Variants in PADI4 observed in about 807,000 individuals in gnomAD.
PADI4 encodes protein-arginine deiminase type-4.
PADI4 carries 62 observed loss-of-function variants against 75.0 expected under a neutral mutation model. The ratio of observed to expected loss-of-function variants is 0.83; its 90% CI spans 0.67 to 1.02. PADI4 has a LOEUF of 1.02. PADI4 is among the 50% of genes least tolerant of loss of function. PADI4 has a pLI of 0.00. For synonymous variants in PADI4, 361 were observed against 348.1 expected (o/e 1.04, Z -0.41); for missense variants, 845 against 850.5 (o/e 0.99, Z 0.08).
chr1:17,356,169 C>T lies in PADI4; in HGVS notation c.1455+42C>T, dbSNP rs760586998. On this transcript the variant is annotated intron_variant, in intron 12 of 15. Transcript: ENST00000375448. This position sits in a 1 kb window ranked among gnomAD's most constrained non-coding sequence, Gnocchi z 4.1. ...TGCCTCAGGAAGCCATGCCTCCTTCCTGGGTAGACCCTCTGCCTGGGGTGG... is the reference window on the plus strand; with the variant it reads ...TGCCTCAGGAAGCCATGCCTCCTTCTTGGGTAGACCCTCTGCCTGGGGTGG... 7 of 1,597,448 alleles carry T rather than the reference C, an allele frequency of 4.4e-6. No homozygotes were observed. The East Asian group carries it at 1.6e-4, about 36-fold the overall frequency.
At position 17,363,965 on chromosome 1, in the gene PADI4, G is replaced by A. The variant is rs1028935073; in HGVS notation, c.*210G>A. The A allele has an allele frequency of 8.6e-6, 4 of 464,880 alleles. No individual in the cohort carries two copies. The highest frequency in any genetic ancestry group is 1.5e-5 in the Non-Finnish European group (4 of 259,144). The allele number at this position is 464,880 out of a possible 1,614,324, so 28.8% of individuals were successfully genotyped here. A position where few individuals can be genotyped will look rare whatever the true frequency, so the allele number is the denominator to read the frequency against. The stretch of plus-strand genomic sequence containing the variant: ...CACTGCACACTCAGTTCTGCTCTAA[G>A]AAGCTGCAATAAAGTTTTTTTAAGT... On this transcript the variant is annotated 3_prime_UTR_variant, in exon 16 of 16. Coordinates refer to ENST00000375448, the MANE Select transcript of PADI4 (RefSeq NM_012387.3).
chr1:17,343,181 C>T (rs537587226), intron 8 of PADI4, among the ~76,000 whole-genome samples: 16 of 151,940 alleles, frequency 1.1e-4, no homozygotes, highest in African/African-American at 1.9e-4. Flanking sequence ...AGCAAGACTC[C>T]GTCTTGAGAA....
Position 17,346,158 on chromosome 1 carries a change from AGG to A in PADI4, c.1047+20_1047+21del. ...GATGCAGGTATGTGCCCTGCGGGGC[AGG>A]CAGGGTGACTGTCCCTGAGGGCCAA... On this transcript the variant is annotated intron_variant, in intron 9 of 15. Transcript: ENST00000375448. This position sits in a 1 kb window ranked among gnomAD's most constrained non-coding sequence, Gnocchi z 4.3. 1 of 1,534,446 alleles carries A rather than the reference AGG, an allele frequency of 6.5e-7. No individual in the cohort carries two copies. Among genetic ancestry groups the A allele is most frequent in the Non-Finnish European group, 9.0e-7 (1 of 1,107,892 alleles).
Position 17,308,218 on chromosome 1 carries a change from C to A in PADI4, c.-5C>A. On this transcript the variant is annotated 5_prime_UTR_variant, in exon 1 of 16. Coordinates refer to ENST00000375448, the MANE Select transcript of PADI4 (RefSeq NM_012387.3). ...CTACAGCCAGAGGGACGAGCTAGCCCGACGATGGCCCAGGGGACATTGATC... is the reference window on the plus strand; with the variant it reads ...CTACAGCCAGAGGGACGAGCTAGCCAGACGATGGCCCAGGGGACATTGATC... 1 of 1,613,534 alleles carries A rather than the reference C, an allele frequency of 6.2e-7. No individual in the cohort carries two copies. Among genetic ancestry groups the A allele is most frequent in the African/African-American group, 1.3e-5 (1 of 75,022 alleles).
intron 1 of PADI4, among the ~76,000 whole-genome samples, chr1:17,323,844 AAAC>A (rs751327264): frequency 8.7e-5 from 11 of 126,038 alleles, no homozygotes; most frequent in African/African-American, 2.9e-4. Flanking sequence ...ACAAGCAAAC[AAAC>A]AACAACAACA....
At position 17,363,656 on chromosome 1, in the gene PADI4, C is replaced by A; in HGVS notation, c.1893C>A (p.Asn631Lys). Residue 631 changes from asparagine to lysine, a missense_variant, in exon 16 of 16, where the codon AAC becomes AAA. Physicochemically the swap from Asn to Lys is moderately conservative, Grantham distance 94 (BLOSUM62 0). Transcript: ENST00000375448. ...TGGGCCTCCAGTGCACCTTCATCAA[C>A]GACTTCTTCACCTACCACATCAGGC... ...EPLGLQCTFI[N>K]DFFTYHIRHG... The A allele has an allele frequency of 6.2e-7, 1 of 1,614,182 alleles. No individual in the cohort carries two copies. The highest frequency in any genetic ancestry group is 1.1e-5 in the South Asian group (1 of 91,090).
At chr1:17,314,246 TCCTGTCCCCATC>T (rs1234364400) in intron 1 of PADI4, among the ~76,000 whole-genome samples, 1 of 152,172 alleles carries the variant, frequency 6.6e-6, no homozygotes, top group Non-Finnish European at 1.5e-5. Flanking sequence ...CGTGTCCCTC[TCCTGTCCCCATC>T]CTCTGACCAC....
chr1:17,340,491 C>T (rs951946704), intron 6 of PADI4, among the ~76,000 whole-genome samples: 2 of 152,024 alleles, frequency 1.3e-5, no homozygotes, highest in Non-Finnish European at 2.9e-5. Context: ...CAGACAGACA[C>T]CTAGGGGAAG....
At chr1:17,323,909 T>C (rs2100683435) in intron 1 of PADI4, among the ~76,000 whole-genome samples, 1 of 152,266 alleles carries the variant, frequency 6.6e-6, no homozygotes, top group South Asian at 2.1e-4. Context: ...AGTGTTTCTG[T>C]GACCTTATGT....
chr1:17,357,715 G>A (rs1490965569), intron 13 of PADI4, among the ~76,000 whole-genome samples: 3 of 146,938 alleles, frequency 2.0e-5, no homozygotes, highest in African/African-American at 7.5e-5. Flanking sequence ...GGTGGATCAC[G>A]AGTTCAGGAG....
chr1:17,311,192 G>A (rs979885418), intron 1 of PADI4, among the ~76,000 whole-genome samples: 1 of 152,082 alleles, frequency 6.6e-6, no homozygotes, highest in Non-Finnish European at 1.5e-5. Context: ...GAACCTGGGA[G>A]GTGGAGGTTG....
chr1:17,327,523 G>A (rs1254133081), intron 1 of PADI4, among the ~76,000 whole-genome samples: 1 of 150,502 alleles, frequency 6.6e-6, no homozygotes, highest in Non-Finnish European at 1.5e-5. Context: ...TATTAATCCT[G>A]TTATATTTAT....
chr1:17,324,018 A>T (rs577824709), intron 1 of PADI4, among the ~76,000 whole-genome samples: 83 of 152,286 alleles, frequency 5.5e-4, no homozygotes, highest in Non-Finnish European at 1.0e-3. Flanking sequence ...CATTGTTCAC[A>T]TTACAGAAAG....
chr1:17,335,990 G>A (rs1306662531), intron 3 of PADI4, among the ~76,000 whole-genome samples, 169 bp from the exon 4 acceptor site: 2 of 152,260 alleles, frequency 1.3e-5, no homozygotes, highest in African/African-American at 2.4e-5. Context: ...CCTGGGGGCC[G>A]TGGAGGAGGG....
chr1:17,337,077 G>C (rs2074326215), intron 4 of PADI4, among the ~76,000 whole-genome samples: 1 of 152,190 alleles, frequency 6.6e-6, no homozygotes, highest in Non-Finnish European at 1.5e-5. Context: ...ATTTAGATTA[G>C]AATATTGACA....
In PADI4 at chr1:17,311,490, A is replaced by G. The variant is rs138729347; in HGVS notation, c.92+3176A>G. ...AGTGTGCATTCAGAAGCTGCCATCT[A>G]TGGTCTCTCTTCTTCCTCCCAAAGT... On this transcript the variant is annotated intron_variant, in intron 1 of 15. Coordinates refer to ENST00000375448, the MANE Select transcript of PADI4 (RefSeq NM_012387.3). Among the ~76,000 whole-genome samples, 768 of 151,134 alleles carry G rather than the reference A, an allele frequency of 5.1e-3. 8 individuals carry two copies. The highest frequency in any genetic ancestry group is 0.018 in the African/African-American group (732 of 41,198).
intron 1 of PADI4, among the ~76,000 whole-genome samples, chr1:17,310,044 C>T (rs2073792360): frequency 6.6e-6 from 1 of 152,186 alleles, no homozygotes; most frequent in South Asian, 2.1e-4. Flanking sequence ...AGGATGGGGA[C>T]TCCGGAGTTC....
intron 11 of PADI4, 45 bp from the exon 12 acceptor site, chr1:17,355,938 G>A (rs374968361): frequency 2.0e-4 from 326 of 1,612,744 alleles, no homozygotes; most frequent in Non-Finnish European, 3.1e-5. Context: ...GGACTTCCCT[G>A]TAGCCCTTGC....
intron 5 of PADI4, among the ~76,000 whole-genome samples, chr1:17,338,724 G>T (rs1407792392): frequency 1.3e-5 from 2 of 152,200 alleles, no homozygotes; most frequent in Admixed American, 6.5e-5. Flanking sequence ...GAGGATGGTG[G>T]GGAATGCAGG....
Sources: allele counts gnomAD v4.1 joint callset (sites outside exome capture counted in the v4.1 genomes callset), GRCh38; gene constraint gnomAD v4.1.1; non-coding constraint Gnocchi (gnomAD v3.1); transcripts MANE v1.5; gene names NCBI Gene and HGNC (gene_info 2026-07-23, HGNC 2026-07-21).